Variants in APP observed in about 807,000 individuals in gnomAD.
The protein encoded by APP is amyloid beta precursor protein, also known as amyloid-beta precursor protein.
APP carries 31 observed loss-of-function variants against 101.4 expected under a neutral mutation model. The ratio of observed to expected loss-of-function variants is 0.31; its 90% CI spans 0.23 to 0.41. APP has a LOEUF of 0.41. Among genes scored for constraint, APP ranks in the 10% least tolerant of loss-of-function variants. The pLI is 1.00. For missense variants in APP, 839 were observed against 1,003.7 expected (o/e 0.84, Z 2.22); for synonymous variants, 366 against 364.4 (o/e 1.00, Z -0.05).
intron 2 of APP, 122 bp downstream of exon 2, chr21:26,111,857 C>A (rs1474299931): frequency 1.3e-5 from 13 of 984,430 alleles, no homozygotes; most frequent in Non-Finnish European, 1.5e-5. Context: ...TATGGTGAAT[C>A]ATTAGGAACC....
At chr21:26,089,392 C>T (rs1306806088) in intron 3 of APP, 1 of 150,692 alleles carries the variant, frequency 6.6e-6, no homozygotes, top group African/African-American at 2.4e-5. Context: ...AAACATTAAA[C>T]ATTAGTAATC....
chr21:25,957,382 C>G (rs185011395), intron 11 of APP, among the ~76,000 whole-genome samples: 1 of 152,096 alleles, frequency 6.6e-6, no homozygotes, highest in African/African-American at 2.4e-5. Context: ...CATTTGAAAA[C>G]ATCAGAGATT....
At chr21:26,161,145 A>G (rs1289093668) in intron 1 of APP, among the ~76,000 whole-genome samples, 1 of 152,244 alleles carries the variant, frequency 6.6e-6, no homozygotes, top group Non-Finnish European at 1.5e-5. Context: ...CATTATCATG[A>G]GTGATCAAAC....
intron 5 of APP, among the ~76,000 whole-genome samples, chr21:26,035,329 G>A (rs2045055010): frequency 2.0e-5 from 3 of 152,176 alleles, no homozygotes; most frequent in Non-Finnish European, 4.4e-5. Context: ...GAGGCTGAAG[G>A]TGGGACCTTG....
chr21:26,003,209 A>G (rs2043372092), intron 6 of APP, among the ~76,000 whole-genome samples: 1 of 152,244 alleles, frequency 6.6e-6, no homozygotes, highest in Non-Finnish European at 1.5e-5. Context: ...CAACTAGAAC[A>G]AGCATTCAGA....
At chr21:26,110,320 C>T (rs2062284704) in intron 2 of APP, among the ~76,000 whole-genome samples, 2 of 152,030 alleles carry the variant, frequency 1.3e-5, no homozygotes, top group African/African-American at 4.8e-5. Flanking sequence ...GTGGCGGGTG[C>T]CTATAGTCCC....
chr21:26,170,791 G>T (rs199610454), upstream of APP: 12 of 672,624 alleles, frequency 1.8e-5, no homozygotes, highest in East Asian at 3.4e-5. Context: ...CGCGGCGGCG[G>T]GGCTCAGAGC....
intron 11 of APP, among the ~76,000 whole-genome samples, chr21:25,963,610 AACT>A (rs1363977822): frequency 6.6e-6 from 1 of 152,184 alleles, no homozygotes; most frequent in African/African-American, 2.4e-5. Context: ...ATAGGTTCAG[AACT>A]ATTATTTTCA....
At chr21:26,169,421 G>C (rs556015607) in intron 1 of APP, 102 of 152,716 alleles carry the variant, frequency 6.7e-4, no homozygotes, top group Non-Finnish European at 1.3e-3. Context: ...CCAGGGAAGA[G>C]GCCGCGCCTT....
At chr21:26,158,641 T>C (rs115521088) in intron 1 of APP, among the ~76,000 whole-genome samples, 150 of 152,348 alleles carry the variant, frequency 9.8e-4, no homozygotes, top group African/African-American at 3.5e-3. Flanking sequence ...ACTCCATTTC[T>C]AAGAAAATGA....
intron 1 of APP, among the ~76,000 whole-genome samples, chr21:26,154,726 T>C (rs538637705): frequency 6.6e-6 from 1 of 152,204 alleles, no homozygotes; most frequent in Non-Finnish European, 1.5e-5. Flanking sequence ...ATCCTTAAAA[T>C]GTGGGTGATT....
At chr21:25,902,239 C>T (rs746622629) in intron 15 of APP, among the ~76,000 whole-genome samples, 3 of 152,160 alleles carry the variant, frequency 2.0e-5, no homozygotes, top group Non-Finnish European at 4.4e-5. Context: ...ACAATGCCAT[C>T]ACTTGAACGG....
chr21:26,076,829 C>T (rs2061505425), intron 3 of APP, among the ~76,000 whole-genome samples: 1 of 151,982 alleles, frequency 6.6e-6, no homozygotes, highest in Non-Finnish European at 1.5e-5. Flanking sequence ...TTTGGGAGGC[C>T]GAGGTGGGCG....
At chr21:26,075,066 T>C (rs1187224893) in intron 3 of APP, among the ~76,000 whole-genome samples, 2 of 152,194 alleles carry the variant, frequency 1.3e-5, no homozygotes, top group Non-Finnish European at 2.9e-5. Context: ...AGAAATTCTT[T>C]TAGGCATGTG....
chr21:26,128,684 G>A (rs1328818824), intron 1 of APP, among the ~76,000 whole-genome samples: 2 of 151,930 alleles, frequency 1.3e-5, no homozygotes, highest in Non-Finnish European at 2.9e-5. Flanking sequence ...AAACACATAT[G>A]GGAAATGGAT....
intron 3 of APP, among the ~76,000 whole-genome samples, chr21:26,070,340 A>G (rs1371365982): frequency 6.6e-6 from 1 of 152,224 alleles, no homozygotes; most frequent in Non-Finnish European, 1.5e-5. Context: ...GGCAGGACTT[A>G]TCACTCCACA....
intron 1 of APP, among the ~76,000 whole-genome samples, chr21:26,114,875 A>G (rs1042364628): frequency 1.3e-5 from 2 of 152,128 alleles, no homozygotes; most frequent in African/African-American, 4.8e-5. Flanking sequence ...TTATGACCCT[A>G]TAATTGTCTC....
chr21:25,890,910 A>G (rs182804814), intron 17 of APP, among the ~76,000 whole-genome samples: 1 of 152,290 alleles, frequency 6.6e-6, no homozygotes, highest in East Asian at 1.9e-4. Flanking sequence ...AAATATCGCA[A>G]TTAAATGTCA....
At chr21:26,147,980 C>T (rs2146331390) in intron 1 of APP, among the ~76,000 whole-genome samples, 1 of 152,264 alleles carries the variant, frequency 6.6e-6, no homozygotes, top group Middle Eastern at 3.4e-3. Context: ...TCTCCCGAAT[C>T]TAAGGTCCAA....
Sources: allele counts gnomAD v4.1 joint callset (sites outside exome capture counted in the v4.1 genomes callset), GRCh38; gene constraint gnomAD v4.1.1; transcripts MANE v1.5; gene names NCBI Gene and HGNC (gene_info 2026-07-23, HGNC 2026-07-21).